The following KIDINS220 variants were observed in gnomAD, a reference collection of about 807,000 sequenced individuals.
KIDINS220 encodes the protein kinase D interacting substrate 220.
KIDINS220 carries 63 observed loss-of-function variants against 157.6 expected under a neutral mutation model. The observed-to-expected ratio is 0.40, with a 90% CI of 0.33 to 0.49. The LOEUF is 0.49. Ranked by LOEUF, KIDINS220 falls within the 20% of genes least tolerant of loss-of-function variation. KIDINS220 has a pLI of 0.66. For missense variants in KIDINS220, 1,772 were observed against 2,171.2 expected (o/e 0.82, Z 3.65); for synonymous variants, 732 against 783.6 (o/e 0.93, Z 1.10).
At chr2:8,817,501 C>A in intron 4 of KIDINS220, 117 bp downstream of exon 4, 1 of 592,580 alleles carries the variant, frequency 1.7e-6, no homozygotes, top group Non-Finnish European at 2.7e-6. Context: ...TGCCCAATCC[C>A]AAATTCTAAA....
rs1558309494 is a variant in KIDINS220 at position 8,734,670 on chromosome 2, G to A, written c.3801C>T (p.His1267=). 2 of 1,607,768 alleles carry A rather than the reference G, an allele frequency of 1.2e-6. No individual in the cohort carries two copies. Among genetic ancestry groups the A allele is most frequent in the Non-Finnish European group, 1.7e-6 (2 of 1,174,852 alleles). Residue 1267 remains histidine (H), a synonymous_variant, in exon 28 of 30, where the codon CAC becomes CAT. Coordinates refer to ENST00000256707, the MANE Select transcript of KIDINS220 (RefSeq NM_020738.4). ...KEMNMNFGDW[H]LFRSTVLEMR... is the part of the protein sequence containing the mutation. ...AATATCTTACTGTGCTTCTGAAAAG[G>A]TGCCAGTCTCCAAAATTCATATTCA...
chr2:8,810,193 G>A (rs1676088970), intron 6 of KIDINS220, among the ~76,000 whole-genome samples: 1 of 152,144 alleles, frequency 6.6e-6, no homozygotes, highest in South Asian at 2.1e-4. Context: ...CGCCATCAGT[G>A]AATTCTCCCA....
chr2:8,770,361 G>A (rs1396990978), intron 22 of KIDINS220, among the ~76,000 whole-genome samples: 13 of 152,160 alleles, frequency 8.5e-5, no homozygotes, highest in Non-Finnish European at 1.8e-4. Flanking sequence ...AGCTATGATT[G>A]TGCCACTGTG....
chr2:8,727,056 G>C, downstream of KIDINS220: 1 of 987,210 alleles, frequency 1.0e-6, no homozygotes, highest in Non-Finnish European at 1.4e-6. Flanking sequence ...ATCCAGTGCT[G>C]GCTGTTGTCT....
At chr2:8,756,142 A>G (rs1200331963) in intron 22 of KIDINS220, among the ~76,000 whole-genome samples, 2 of 152,194 alleles carry the variant, frequency 1.3e-5, no homozygotes, top group Non-Finnish European at 2.9e-5. Context: ...GATCTTCTTT[A>G]AATTCTTTTA....
intron 22 of KIDINS220, among the ~76,000 whole-genome samples, chr2:8,756,106 G>A (rs989251143): frequency 5.9e-5 from 9 of 152,170 alleles, no homozygotes; most frequent in Non-Finnish European, 1.2e-4. Context: ...CTACCCATGA[G>A]CACAGGATGT....
At chr2:8,777,487 T>C (rs1434649045) in intron 20 of KIDINS220, among the ~76,000 whole-genome samples, 3 of 152,148 alleles carry the variant, frequency 2.0e-5, no homozygotes, top group Admixed American at 6.5e-5. Flanking sequence ...CTATTTTATG[T>C]AGAGGGTGTC....
rs757803031 is a variant in KIDINS220 at position 8,786,303 on chromosome 2, C to T, written c.1842G>A (p.Leu614=). The T allele has an allele frequency of 6.2e-7, 1 of 1,614,114 alleles. No homozygotes were observed. Among genetic ancestry groups the T allele is most frequent in the Admixed American group, 1.7e-5 (1 of 60,022 alleles). Residue 614 remains leucine (L), a synonymous_variant, in exon 16 of 30, where the codon CTG becomes CTA. Coordinates refer to ENST00000256707, the MANE Select transcript of KIDINS220 (RefSeq NM_020738.4). The stretch of plus-strand genomic sequence containing the variant: ...CCGAGAGGGTTGCAATCATTTCAGC[C>T]AGAGAAGTTTCTCCACCTACACTGG... ...RLSSVGGETS[L]AEMIATLSDA...
Position 8,730,703 on chromosome 2 carries a change from T to C in KIDINS220, c.*17A>G. The C allele has an allele frequency of 1.2e-6, 2 of 1,607,916 alleles. No homozygotes were observed. Among genetic ancestry groups the C allele is most frequent in the Non-Finnish European group, 8.5e-7 (1 of 1,177,700 alleles). ...TCATAAAGGTACAGTAACACTCTTC[T>C]CCTTTGCTTGTTTTTCTCAAAGAAT... On this transcript the variant is annotated 3_prime_UTR_variant, in exon 30 of 30. Coordinates refer to ENST00000256707, the MANE Select transcript of KIDINS220 (RefSeq NM_020738.4).
At chr2:8,833,305 T>A (rs992422650) in intron 1 of KIDINS220, among the ~76,000 whole-genome samples, 6 of 152,212 alleles carry the variant, frequency 3.9e-5, no homozygotes, top group Non-Finnish European at 7.3e-5. Flanking sequence ...CTAACCCATA[T>A]GAAGCCAATA....
At chr2:8,728,504 A>G (rs1663577138), downstream of KIDINS220, among the ~76,000 whole-genome samples, 1 of 152,258 alleles carries the variant, frequency 6.6e-6, no homozygotes, top group Non-Finnish European at 1.5e-5. Context: ...ACACACACAC[A>G]TAGACGCACA....
At chr2:8,817,849 A>C in intron 3 of KIDINS220, 133 bp from the exon 4 acceptor site, 1 of 505,124 alleles carries the variant, frequency 2.0e-6, no homozygotes, top group Non-Finnish European at 3.5e-6. Flanking sequence ...TAACTAAACT[A>C]CTCTAAAGTC....
intron 26 of KIDINS220, among the ~76,000 whole-genome samples, chr2:8,744,382 AAAAAAAATATATATATATAAT>A (rs1313160233): frequency 3.5e-4 from 10 of 28,670 alleles, no homozygotes; most frequent in African/African-American, 1.1e-3. Context: ...AAAAAAAAAA[AAAAAAAATATATATATATAAT>A]ATATATATAT....
intron 6 of KIDINS220, among the ~76,000 whole-genome samples, chr2:8,811,560 G>A (rs554191807): frequency 2.6e-5 from 4 of 152,156 alleles, no homozygotes; most frequent in South Asian, 2.1e-4. Context: ...CAGAAACAAC[G>A]TTCACAGAAC....
At chr2:8,774,749 G>A (rs1670734837) in intron 21 of KIDINS220, among the ~76,000 whole-genome samples, 1 of 152,152 alleles carries the variant, frequency 6.6e-6, no homozygotes, top group African/African-American at 2.4e-5. Flanking sequence ...AGGGGATGCA[G>A]AAAATCAGAT....
rs536493497 is a variant in KIDINS220, at chr2:8,833,353, T to C, written c.-37+4127A>G. On this transcript the variant is annotated intron_variant, in intron 1 of 29. Coordinates refer to ENST00000256707, the MANE Select transcript of KIDINS220 (RefSeq NM_020738.4). ...TTTACATAATAACAGAATATGATCA[T>C]TTCTTAACCACCCTTTCTTGGTTGA... 5.3e-5 allele frequency among the ~76,000 whole-genome samples: 8 copies of C among 152,332 alleles called. No individual in the cohort carries two copies. In the East Asian group the frequency reaches 1.5e-3, roughly 29 times the overall value.
At chr2:8,811,790 T>C (rs1292422918) in intron 6 of KIDINS220, among the ~76,000 whole-genome samples, 2 of 151,512 alleles carry the variant, frequency 1.3e-5, no homozygotes, top group East Asian at 1.9e-4. Flanking sequence ...AAAAAAAGAA[T>C]AGCACATCAT....
chr2:8,800,167 T>G, intron 9 of KIDINS220: 1 of 426,776 alleles, frequency 2.3e-6, no homozygotes, highest in Admixed American at 3.9e-5. Flanking sequence ...GTAAGGACAG[T>G]ATATTCTAAA....
At position 8,735,079 on chromosome 2, in the gene KIDINS220, G is replaced by T. The variant is rs560253585; in HGVS notation, c.3718-326C>A. On this transcript the variant is annotated intron_variant, in intron 27 of 29. Coordinates refer to ENST00000256707, the MANE Select transcript of KIDINS220 (RefSeq NM_020738.4). ...TTTGTTTTCTAATCTTAGAAAATAT[G>T]AACATGAACACAAGCTGCTGGGAGG... Among the ~76,000 whole-genome samples, 5 of 152,222 alleles carry T rather than the reference G, an allele frequency of 3.3e-5. No homozygotes were observed. The East Asian group carries it at 9.6e-4, about 29-fold the overall frequency.
Sources: allele counts gnomAD v4.1 joint callset (sites outside exome capture counted in the v4.1 genomes callset), GRCh38; gene constraint gnomAD v4.1.1; transcripts MANE v1.5; gene names NCBI Gene and HGNC (gene_info 2026-07-23, HGNC 2026-07-21).